Variants in HTR2B observed in about 807,000 individuals in gnomAD.
HTR2B encodes 5-hydroxytryptamine receptor 2B.
Under a neutral mutation model 39.8 loss-of-function variants are expected in HTR2B, and 31 were observed. The ratio of observed to expected loss-of-function variants is 0.78; its 90% CI spans 0.58 to 1.05. The LOEUF is 1.05. HTR2B is among the 50% of genes least tolerant of loss of function. The pLI, the probability that HTR2B is intolerant of heterozygous loss-of-function variation, is 0.00. For missense variants in HTR2B, 562 were observed against 578.0 expected, an observed-to-expected ratio of 0.97 and a Z score of 0.28; for synonymous variants, 210 against 207.1, an observed-to-expected ratio of 1.01 and a Z score of -0.12.
intron 3 of HTR2B, 33 bp from the exon 4 acceptor site, chr2:231,109,442 AT>A: frequency 6.3e-7 from 1 of 1,576,486 alleles, no homozygotes; most frequent in Non-Finnish European, 8.7e-7. Flanking sequence ...AAATTGAGTC[AT>A]TTTATGACCT....
intron 2 of HTR2B, among the ~76,000 whole-genome samples, chr2:231,119,799 G>A (rs532197617): frequency 4.4e-4 from 66 of 149,540 alleles, no homozygotes; most frequent in Non-Finnish European, 4.7e-4. Context: ...TGAACCTGTG[G>A]GTGGAGGTTG....
intron 3 of HTR2B, among the ~76,000 whole-genome samples, chr2:231,109,992 T>C (rs1173983608): frequency 6.6e-6 from 1 of 152,222 alleles, no homozygotes. Flanking sequence ...TGAATCATGA[T>C]GTTGAAAGAT....
chr2:231,120,598 G>T (rs1695506051), intron 2 of HTR2B, among the ~76,000 whole-genome samples: 1 of 152,180 alleles, frequency 6.6e-6, no homozygotes, highest in African/African-American at 2.4e-5. Flanking sequence ...ACCGTATATT[G>T]TTAAATATTA....
At chr2:231,115,141 G>A (rs1266155956) in intron 2 of HTR2B, among the ~76,000 whole-genome samples, 4 of 151,222 alleles carry the variant, frequency 2.6e-5, no homozygotes, top group South Asian at 4.2e-4. Flanking sequence ...ATTGTTAACT[G>A]TTTAAAATTT....
rs201829585 is a variant in HTR2B, at chr2:231,123,388, G to T, written c.352+25C>A. 31 of 1,507,960 alleles carry T rather than the reference G, an allele frequency of 2.1e-5. No individual in the cohort carries two copies. The East Asian group carries it at 7.0e-4, about 34-fold the overall frequency. The allele number at this position is 1,507,960 out of a possible 1,614,324, so 93.4% of individuals were successfully genotyped here. On this transcript the variant is annotated intron_variant, in intron 2 of 3. Transcript: ENST00000258400. ...GTATATCATAGTTCTGTGGTTTGAT[G>T]GCACAAACAAAGTGAAATACTTACC... is the stretch of plus-strand genomic sequence containing the variant.
chr2:231,108,625 C>T lies in HTR2B; in HGVS notation c.1338G>A (p.Met446Ile), dbSNP rs1250814843. 5 of 1,613,994 alleles carry T rather than the reference C, an allele frequency of 3.1e-6. No individual in the cohort carries two copies. The highest frequency in any genetic ancestry group is 2.2e-5 in the East Asian group (1 of 44,838). The change falls in exon 4 of 4, where the codon ATG becomes ATA. Residue 446 changes from methionine (M) to isoleucine (I), a missense_variant. Met to Ile is a conservative substitution (Grantham distance 10, BLOSUM62 1). Transcript: ENST00000258400. ...GINPAMYQSP[M>I]RLRSSTIQSS... ...ACTGAATGGTTGAACTTCGGAGCCTCATTGGACTCTGGTACATGGCAGGGT... is the reference window on the plus strand; with the variant it reads ...ACTGAATGGTTGAACTTCGGAGCCTTATTGGACTCTGGTACATGGCAGGGT...
At chr2:231,119,579 C>T (rs1695459439) in intron 2 of HTR2B, among the ~76,000 whole-genome samples, 1 of 152,040 alleles carries the variant, frequency 6.6e-6, no homozygotes, top group Admixed American at 6.6e-5. Context: ...TCAATTGAAA[C>T]TTAAGTTATA....
intron 2 of HTR2B, among the ~76,000 whole-genome samples, chr2:231,121,345 T>C (rs1192077651): frequency 6.6e-6 from 1 of 152,076 alleles, no homozygotes; most frequent in Non-Finnish European, 1.5e-5. Flanking sequence ...CCAGGCAACA[T>C]TGCCAGACTC....
At position 231,108,386 on chromosome 2, in the gene HTR2B, TA is replaced by T. The variant is rs1695027181; in HGVS notation, c.*130del. On this transcript the variant is annotated 3_prime_UTR_variant, in exon 4 of 4. Transcript: ENST00000258400. ...AATTAGGAAAATTAGATATTCTTAA[TA>T]CTTACATCTTAGGTTAAAGAGATGA... 1.4e-6 allele frequency: 1 copy of T among 690,014 alleles called. No homozygotes were observed. Among genetic ancestry groups the T allele is most frequent in the Non-Finnish European group, 2.4e-6 (1 of 408,362 alleles). 42.7% of individuals were successfully genotyped at this position (690,014 alleles called of 1,614,324 possible).
Position 231,113,879 on chromosome 2 carries a change from C to T in HTR2B, c.403G>A (p.Asp135Asn), listed in dbSNP as rs1374793677. 6.2e-7 allele frequency: 1 copy of T among 1,614,084 alleles called. No individual in the cohort carries two copies. Among genetic ancestry groups the T allele is most frequent in the East Asian group, 2.2e-5 (1 of 44,858 alleles). ...ATGGATGCGGTTGAAAAGAGAACGT[C>T]AAGAAATAACCAGGCAGGACATAGA... is the stretch of plus-strand genomic sequence containing the variant. ...LVLCPAWLFLDVLFSTASIMH... is the reference protein window; with the variant it reads ...LVLCPAWLFLNVLFSTASIMH... The change falls in exon 3 of 4, where the codon GAC becomes AAC. Residue 135 changes from aspartate (D) to asparagine (N), a missense_variant. Transcript: ENST00000258400.
At position 231,116,326 on chromosome 2, in the gene HTR2B, C is replaced by G. The variant is rs115326702; in HGVS notation, c.353-2397G>C. Among the ~76,000 whole-genome samples, 1,167 of 152,164 alleles carry G rather than the reference C, an allele frequency of 7.7e-3. 14 individuals are homozygous for G. Among genetic ancestry groups the G allele is most frequent in the African/African-American group, 0.027 (1,113 of 41,544 alleles). On this transcript the variant is annotated intron_variant, in intron 2 of 3. Transcript: ENST00000258400. ...AGTAGGGTGGTAGGAAAATACTCGT[C>G]TAGAGCTATAATCAGAGATATTGAT...
At position 231,111,848 on chromosome 2, in the gene HTR2B, A is replaced by G. The variant is rs578059176; in HGVS notation, c.553+1881T>C. On this transcript the variant is annotated intron_variant, in intron 3 of 3. Coordinates refer to ENST00000258400, the MANE Select transcript of HTR2B (RefSeq NM_000867.5). ...TTCCTTTTAATCTTTTTTCTCCTGC[A>G]TCACTCATCACTTTGTGTTAGTGTA... is the stretch of plus-strand genomic sequence containing the variant. Among the ~76,000 whole-genome samples, 780 of 152,316 alleles carry G rather than the reference A, an allele frequency of 5.1e-3. 6 individuals carry two copies. The highest frequency in any genetic ancestry group is 0.017 in the African/African-American group (716 of 41,560).
Position 231,109,071 on chromosome 2 carries a change from C to T in HTR2B, c.892G>A (p.Asp298Asn), listed in dbSNP as rs1434861838. Residue 298 changes from aspartate to asparagine, a missense_variant, in exon 4 of 4, where the codon GAT becomes AAT. Physicochemically the swap from Asp to Asn is conservative, Grantham distance 23. Transcript: ENST00000258400. ...RKDKALPNSG[D>N]ETLMRRTSTI... ...GATGTTCTTCGCATAAGTGTTTCAT[C>T]ACCTGAGTTGGGCAGAGCCTTGTCC... 2.5e-6 allele frequency: 4 copies of T among 1,614,114 alleles called. No individual in the cohort carries two copies. The highest frequency in any genetic ancestry group is 3.4e-6 in the Non-Finnish European group (4 of 1,180,044).
At chr2:231,117,559 G>A (rs1695387293) in intron 2 of HTR2B, among the ~76,000 whole-genome samples, 1 of 152,056 alleles carries the variant, frequency 6.6e-6, no homozygotes, top group Non-Finnish European at 1.5e-5. Flanking sequence ...ATAGACAATT[G>A]TTTAATTATC....
chr2:231,123,877 C>A lies in HTR2B; in HGVS notation c.-113G>T. On this transcript the variant is annotated 5_prime_UTR_variant, in exon 2 of 4. Coordinates refer to ENST00000258400, the MANE Select transcript of HTR2B (RefSeq NM_000867.5). ...GTAACCATGCCAAACACTCAAAAGC[C>A]AAAGTTGACACCTTCCTTTAAAAAA... 2.4e-6 allele frequency: 2 copies of A among 823,694 alleles called. No homozygotes were observed. Among genetic ancestry groups the A allele is most frequent in the Non-Finnish European group, 4.2e-6 (2 of 477,080 alleles). 51.0% of individuals were successfully genotyped at this position (823,694 alleles called of 1,614,324 possible).
At chr2:231,121,080 G>A (rs1695524320) in intron 2 of HTR2B, among the ~76,000 whole-genome samples, 1 of 152,066 alleles carries the variant, frequency 6.6e-6, no homozygotes, top group Non-Finnish European at 1.5e-5. Flanking sequence ...TTTTTTCATA[G>A]AAATTGAATT....
At chr2:231,112,379 C>T (rs142940724) in intron 3 of HTR2B, among the ~76,000 whole-genome samples, 13 of 152,240 alleles carry the variant, frequency 8.5e-5, no homozygotes, top group African/African-American at 3.1e-4. Flanking sequence ...GTTTTTAAAT[C>T]TCTTCATTCT....
intron 2 of HTR2B, among the ~76,000 whole-genome samples, chr2:231,118,887 A>C (rs189494358): frequency 4.4e-4 from 67 of 152,352 alleles, no homozygotes; most frequent in Non-Finnish European, 5.0e-4. Context: ...CAGCAGGACA[A>C]ATCATAAATA....
rs1401804747 is a variant in HTR2B, at chr2:231,123,788, C to T, written c.-24G>A. ...ATTTGCTGTTTTTCTGTGATTCAAT[C>T]CCGTTCCGAACAGTGGTCAGCATGG... is the stretch of plus-strand genomic sequence containing the variant. On this transcript the variant is annotated 5_prime_UTR_variant, in exon 2 of 4. Coordinates refer to ENST00000258400, the MANE Select transcript of HTR2B (RefSeq NM_000867.5). The T allele has an allele frequency of 1.4e-5, 21 of 1,553,536 alleles. No homozygotes were observed. The highest frequency in any genetic ancestry group is 1.9e-5 in the Non-Finnish European group (21 of 1,125,182).
Sources: allele counts gnomAD v4.1 joint callset (sites outside exome capture counted in the v4.1 genomes callset), GRCh38; gene constraint gnomAD v4.1.1; transcripts MANE v1.5; gene names NCBI Gene and HGNC (gene_info 2026-07-23, HGNC 2026-07-21).